The following RALYL variants were observed in gnomAD, a reference collection of about 807,000 sequenced individuals.
RALYL encodes RNA-binding Raly-like protein.
In RALYL, 29 loss-of-function variants were observed where a neutral mutation model predicts 35.1. The ratio of observed to expected loss-of-function variants is 0.83; its 90% CI spans 0.61 to 1.13. The LOEUF (loss-of-function observed/expected upper bound fraction) is 1.13, where lower values mean the gene tolerates loss of function less well. Among genes scored for constraint, RALYL ranks in the 50% most tolerant of loss-of-function variants. The pLI is 0.00. For synonymous variants in RALYL, 120 were observed against 127.6 expected (o/e 0.94, Z 0.40); for missense variants, 359 against 360.4 (o/e 1.00, Z 0.03).
intron 2 of RALYL, among the ~76,000 whole-genome samples, chr8:84,629,649 G>A (rs1040926819): frequency 2.0e-5 from 3 of 151,914 alleles, no homozygotes; most frequent in Admixed American, 6.6e-5. Flanking sequence ...AACAGTCTGT[G>A]TAATATGTAT....
chr8:84,865,466 G>A (rs185472973), intron 6 of RALYL, among the ~76,000 whole-genome samples: 1 of 152,212 alleles, frequency 6.6e-6, no homozygotes, highest in East Asian at 1.9e-4. Flanking sequence ...ATATATTAAT[G>A]TCATAATTTA....
chr8:84,397,959 T>A (rs2042513637), intron 1 of RALYL, among the ~76,000 whole-genome samples: 1 of 152,240 alleles, frequency 6.6e-6, no homozygotes, highest in Admixed American at 6.5e-5. Context: ...CTGCCATCTT[T>A]CTTTCTTCTT....
intron 2 of RALYL, among the ~76,000 whole-genome samples, chr8:84,731,585 G>A (rs778418626): frequency 8.6e-5 from 13 of 151,916 alleles, no homozygotes; most frequent in Non-Finnish European, 1.8e-4. Flanking sequence ...CTGCTACCTT[G>A]CTATTGCAAA....
At chr8:84,481,604 G>A (rs187109980) in intron 1 of RALYL, among the ~76,000 whole-genome samples, 23 of 152,186 alleles carry the variant, frequency 1.5e-4, no homozygotes, top group Non-Finnish European at 2.6e-4. Flanking sequence ...AAAAATGATT[G>A]GATAGTGATG....
chr8:84,216,107 G>A (rs528850016), intron 1 of RALYL, among the ~76,000 whole-genome samples: 1 of 152,190 alleles, frequency 6.6e-6, no homozygotes, highest in South Asian at 2.1e-4. Flanking sequence ...ACCCAGGGCT[G>A]TAATTATCTC....
chr8:84,376,732 G>C (rs1040174836), intron 1 of RALYL, among the ~76,000 whole-genome samples: 1 of 151,826 alleles, frequency 6.6e-6, no homozygotes, highest in Non-Finnish European at 1.5e-5. Context: ...ATGTTCATGA[G>C]TTTCTTAATT....
intron 1 of RALYL, among the ~76,000 whole-genome samples, chr8:84,421,773 G>A (rs1056034567): frequency 1.4e-4 from 19 of 136,912 alleles, no homozygotes; most frequent in Non-Finnish European, 3.1e-5. Flanking sequence ...GTTGAATTTT[G>A]TCAAAGGCTT....
In RALYL at chr8:84,905,592, A is replaced by G. The variant is rs79955379; in HGVS notation, c.859-15302A>G. 4.7e-3 allele frequency among the ~76,000 whole-genome samples: 721 copies of G among 152,258 alleles called. 10 individuals carry two copies. The highest frequency in any genetic ancestry group is 0.016 in the African/African-American group (674 of 41,558). ...CCACTTATCTTTGTATTCTAAGAAT[A>G]CACATAAAAGTAATTCTCTTTATCC... On this transcript the variant is annotated intron_variant, in intron 8 of 8. Coordinates refer to ENST00000521268, the MANE Select transcript of RALYL (RefSeq NM_173848.7).
intron 1 of RALYL, chr8:84,184,827 G>A (rs1000449603): frequency 2.0e-5 from 14 of 688,274 alleles, no homozygotes; most frequent in Non-Finnish European, 3.5e-5. Context: ...TGGCCGTCGG[G>A]CGGGCTAGAG....
At chr8:84,320,040 T>A (rs1563727956) in intron 1 of RALYL, among the ~76,000 whole-genome samples, 1 of 152,082 alleles carries the variant, frequency 6.6e-6, no homozygotes, top group Non-Finnish European at 1.5e-5. Context: ...AAATATAAGC[T>A]GGGTAAATGC....
chr8:84,838,977 G>T (rs1367403877), intron 4 of RALYL, among the ~76,000 whole-genome samples: 1 of 152,078 alleles, frequency 6.6e-6, no homozygotes, highest in Non-Finnish European at 1.5e-5. Context: ...AAACAATTTG[G>T]GGGCGGCAGG....
At chr8:84,346,047 T>A (rs1442327615) in intron 1 of RALYL, 1 of 976,268 alleles carries the variant, frequency 1.0e-6, no homozygotes, top group Non-Finnish European at 1.2e-6. Context: ...AAAATTATCC[T>A]AATGAAATGG....
intron 2 of RALYL, among the ~76,000 whole-genome samples, chr8:84,542,394 T>G (rs1371236892): frequency 6.6e-6 from 1 of 152,134 alleles, no homozygotes; most frequent in East Asian, 1.9e-4. Context: ...ATTTCTTAAA[T>G]AACCACAATA....
chr8:84,845,198 A>C (rs1261166060), intron 4 of RALYL, among the ~76,000 whole-genome samples: 2 of 152,222 alleles, frequency 1.3e-5, no homozygotes, highest in East Asian at 1.9e-4. Flanking sequence ...AATACTGAGA[A>C]CTTTTATTCC....
At chr8:84,297,361 C>G (rs113779774) in intron 1 of RALYL, among the ~76,000 whole-genome samples, 3,086 of 152,134 alleles carry the variant, frequency 0.02, 114 homozygotes, top group African/African-American at 0.07. Flanking sequence ...CCACCTCCAT[C>G]CATGTTGCTG....
intron 4 of RALYL, among the ~76,000 whole-genome samples, chr8:84,826,352 A>G (rs1008915034): frequency 6.6e-6 from 1 of 151,890 alleles, no homozygotes; most frequent in East Asian, 1.9e-4. Flanking sequence ...TTGCTTTGCA[A>G]TAGAGCTCAC....
intron 1 of RALYL, among the ~76,000 whole-genome samples, chr8:84,267,638 A>G (rs1196960801): frequency 6.6e-6 from 1 of 152,190 alleles, no homozygotes; most frequent in African/African-American, 2.4e-5. Context: ...AATACCATTT[A>G]AAACTATCTG....
At chr8:84,781,856 T>C (rs1256068952) in intron 3 of RALYL, among the ~76,000 whole-genome samples, 1 of 152,190 alleles carries the variant, frequency 6.6e-6, no homozygotes. Flanking sequence ...ATAATCTATG[T>C]AACCATGTAG....
intron 1 of RALYL, among the ~76,000 whole-genome samples, chr8:84,492,659 G>A (rs1445142409): frequency 1.3e-5 from 2 of 151,910 alleles, no homozygotes; most frequent in African/African-American, 2.4e-5. Flanking sequence ...TCCATAAAAT[G>A]TACTGGATAC....
Sources: allele counts gnomAD v4.1 joint callset (sites outside exome capture counted in the v4.1 genomes callset), GRCh38; gene constraint gnomAD v4.1.1; transcripts MANE v1.5; gene names NCBI Gene and HGNC (gene_info 2026-07-23, HGNC 2026-07-21).